The following PDE4B variants were observed in gnomAD, a reference collection of about 807,000 sequenced individuals.
PDE4B encodes 3',5'-cyclic-AMP phosphodiesterase 4B.
Under a neutral mutation model 82.2 loss-of-function variants are expected in PDE4B, and 20 were observed. The observed-to-expected ratio is 0.24, with a 90% CI of 0.17 to 0.35. PDE4B has a LOEUF of 0.35. Ranked by LOEUF, PDE4B falls within the 10% of genes least tolerant of loss-of-function variation. The pLI is 1.00. For missense variants in PDE4B, 655 were observed against 907.2 expected, an observed-to-expected ratio of 0.72 and a Z score of 3.57; for synonymous variants, 320 against 318.9, an observed-to-expected ratio of 1.00 and a Z score of -0.04.
intron 3 of PDE4B, among the ~76,000 whole-genome samples, chr1:66,005,352 G>T (rs552342976): frequency 6.6e-6 from 1 of 152,018 alleles, no homozygotes; most frequent in South Asian, 2.1e-4. Context: ...ATAATGAAGT[G>T]AAAGTTGCCT....
At chr1:65,931,253 C>T (rs970960614) in intron 3 of PDE4B, among the ~76,000 whole-genome samples, 2 of 152,192 alleles carry the variant, frequency 1.3e-5, no homozygotes, top group Non-Finnish European at 2.9e-5. Context: ...CCTGTACAGC[C>T]TGCAGAACAA....
chr1:65,882,777 T>C (rs1240003894), intron 1 of PDE4B, among the ~76,000 whole-genome samples: 1 of 152,170 alleles, frequency 6.6e-6, no homozygotes, highest in Non-Finnish European at 1.5e-5. Flanking sequence ...TATATGTATA[T>C]ATGTGTGTGA....
At chr1:66,332,313 G>A in intron 7 of PDE4B, 195 bp from the exon 8 acceptor site, 2 of 1,561,134 alleles carry the variant, frequency 1.3e-6, no homozygotes, top group Non-Finnish European at 1.7e-6. Flanking sequence ...CTTGGCACCA[G>A]CCATCCCAGG....
At chr1:65,908,254 C>T (rs1647049439) in intron 1 of PDE4B, among the ~76,000 whole-genome samples, 1 of 152,106 alleles carries the variant, frequency 6.6e-6, no homozygotes, top group Admixed American at 6.6e-5. Context: ...AGTCTCCTAC[C>T]AGTGATTTCC....
At chr1:65,889,305 C>G (rs1477709307) in intron 1 of PDE4B, among the ~76,000 whole-genome samples, 1 of 151,984 alleles carries the variant, frequency 6.6e-6, no homozygotes, top group Non-Finnish European at 1.5e-5. Context: ...GGTGTATTAT[C>G]TTTTTGATGT....
intron 3 of PDE4B, among the ~76,000 whole-genome samples, chr1:66,185,372 G>T (rs1647166255): frequency 6.6e-6 from 1 of 152,102 alleles, no homozygotes; most frequent in Non-Finnish European, 1.5e-5. Flanking sequence ...GGGATTGCTG[G>T]GTCAAACGGT....
At chr1:66,203,968 C>T (rs939706670) in intron 3 of PDE4B, among the ~76,000 whole-genome samples, 6 of 152,124 alleles carry the variant, frequency 3.9e-5, no homozygotes, top group Non-Finnish European at 5.9e-5. Flanking sequence ...TTTTCCCCAT[C>T]TTTGTGGTTT....
At position 66,088,039 on chromosome 1, in the gene PDE4B, A is replaced by T. The variant is rs1644929714; in HGVS notation, c.282-159421A>T. Among the ~76,000 whole-genome samples the T allele has an allele frequency of 2.0e-5, 3 of 151,992 alleles. No homozygotes were observed. In the South Asian group the frequency reaches 6.2e-4, roughly 32 times the overall value. ...ATAATAATAATAAAAATAAATAATA[A>T]AAAAAAGTTTACGGCAATAATTCTG... On this transcript the variant is annotated intron_variant, in intron 3 of 16. Transcript: ENST00000341517.
At chr1:66,354,934 G>C (rs975704210) in intron 8 of PDE4B, 3 of 1,514,630 alleles carry the variant, frequency 2.0e-6, no homozygotes, top group East Asian at 4.9e-5. Context: ...TTGATAAAAT[G>C]TGAAACGTAC....
Position 65,793,073 on chromosome 1 carries a change from C to G in PDE4B, c.-246C>G, listed in dbSNP as rs1183068867. 2.0e-5 allele frequency: 3 copies of G among 151,904 alleles called. No homozygotes were observed. The highest frequency in any genetic ancestry group is 4.4e-5 in the Non-Finnish European group (3 of 67,994). The allele number at this position is 151,904 out of a possible 1,614,324, so 9.4% of individuals were successfully genotyped here. On this transcript the variant is annotated 5_prime_UTR_variant, in exon 1 of 17. Coordinates refer to ENST00000341517, the MANE Select transcript of PDE4B (RefSeq NM_002600.4). ...TCTTCGTCGCGGGCCGGGCTGCACG[C>G]GAGCGCCCTCCGGGCAGACTTTCGT...
chr1:66,353,105 A>G (rs1410779266), intron 8 of PDE4B, among the ~76,000 whole-genome samples: 3 of 152,238 alleles, frequency 2.0e-5, no homozygotes, highest in African/African-American at 7.2e-5. Context: ...ATGAGAGGCC[A>G]TTGTGACTGA....
intron 6 of PDE4B, among the ~76,000 whole-genome samples, chr1:66,263,559 C>T (rs771141414): frequency 3.9e-5 from 6 of 152,138 alleles, no homozygotes; most frequent in Non-Finnish European, 8.8e-5. Context: ...GGCAATATGG[C>T]GGGACCTGAA....
intron 1 of PDE4B, among the ~76,000 whole-genome samples, chr1:65,854,600 T>G (rs1021960310): frequency 6.6e-6 from 1 of 152,058 alleles, no homozygotes; most frequent in Non-Finnish European, 1.5e-5. Flanking sequence ...CTGTAAGTAA[T>G]GTATCTTATT....
intron 3 of PDE4B, among the ~76,000 whole-genome samples, chr1:65,933,594 TG>T (rs1647960813): frequency 1.3e-5 from 2 of 151,842 alleles, no homozygotes; most frequent in South Asian, 4.2e-4. Context: ...CTTGGGAGGC[TG>T]AGGCAGAGAT....
chr1:66,242,333 T>C (rs1477155275), intron 3 of PDE4B, among the ~76,000 whole-genome samples: 1 of 152,146 alleles, frequency 6.6e-6, no homozygotes, highest in African/African-American at 2.4e-5. Context: ...ACTCAGTGAG[T>C]AATTTCTAAG....
intron 3 of PDE4B, among the ~76,000 whole-genome samples, chr1:66,064,914 T>G (rs1039616329): frequency 3.3e-5 from 5 of 151,950 alleles, no homozygotes; most frequent in Admixed American, 1.3e-4. Flanking sequence ...TAAACTATAT[T>G]ATTGCTTTTC....
At chr1:66,084,550 A>ACAATTT (rs1221418835) in intron 3 of PDE4B, among the ~76,000 whole-genome samples, 1 of 152,156 alleles carries the variant, frequency 6.6e-6, no homozygotes, top group Non-Finnish European at 1.5e-5. Flanking sequence ...ACAATTCCTC[A>ACAATTT]GGTGGGGACC....
Position 66,372,414 on chromosome 1 carries a change from G to A in PDE4B, c.1947G>A (p.Arg649=). The part of the protein sequence containing the change: ...QDILDTLEDN[R]NWYQSMIPQS... ...TTCTCGATACCTTAGAAGATAACAG[G>A]AACTGGTATCAGAGCATGATACCTC... is the stretch of plus-strand genomic sequence containing the variant. Residue 649 remains arginine, a synonymous_variant, in exon 17 of 17, where the codon AGG becomes AGA. Transcript: ENST00000341517. The A allele has an allele frequency of 1.2e-6, 2 of 1,614,028 alleles. No homozygotes were observed. The highest frequency in any genetic ancestry group is 1.7e-6 in the Non-Finnish European group (2 of 1,179,916).
At chr1:66,233,689 A>AAT (rs919942422) in intron 3 of PDE4B, among the ~76,000 whole-genome samples, 1 of 135,500 alleles carries the variant, frequency 7.4e-6, no homozygotes, top group Non-Finnish European at 1.5e-5. Context: ...TTGATATGTA[A>AAT]ATATATGTGT....
Sources: allele counts gnomAD v4.1 joint callset (sites outside exome capture counted in the v4.1 genomes callset), GRCh38; gene constraint gnomAD v4.1.1; transcripts MANE v1.5; gene names NCBI Gene and HGNC (gene_info 2026-07-23, HGNC 2026-07-21).